NXPE2: variants seen among roughly 807,000 people sequenced by gnomAD.
NXPE2 encodes the protein NXPE family member 2.
A neutral mutation model predicts 34.4 loss-of-function variants in NXPE2; 34 were observed. The observed-to-expected ratio is 0.99, with a 90% CI of 0.75 to 1.31. NXPE2 has a LOEUF of 1.31. Among genes scored for constraint, NXPE2 ranks in the 40% most tolerant of loss-of-function variants. The pLI is 0.00. For missense variants in NXPE2, 649 were observed against 672.5 expected, an observed-to-expected ratio of 0.97 and a Z score of 0.39; for synonymous variants, 235 against 231.3, an observed-to-expected ratio of 1.02 and a Z score of -0.15.
the NXPE2 span, among the ~76,000 whole-genome samples, chr11:114,774,308 C>T: frequency 3.9e-5 from 6 of 152,236 alleles, no homozygotes; most frequent in Non-Finnish European, 5.9e-5. Flanking sequence ...TATTGTTACT[C>T]CAGGTGTACT....
At chr11:114,797,447 C>CTTAAATAAGGGTTAGTAAG in the NXPE2 span, among the ~76,000 whole-genome samples, 7 of 152,124 alleles carry the variant, frequency 4.6e-5, no homozygotes, top group Admixed American at 3.9e-4. Flanking sequence ...CAAGGAGATG[C>CTTAAATAAGGGTTAGTAAG]TTAAATAAGG....
the NXPE2 span, among the ~76,000 whole-genome samples, chr11:114,570,358 G>A: frequency 2.0e-5 from 3 of 152,104 alleles, no homozygotes; most frequent in East Asian, 1.9e-4. Flanking sequence ...CTAGTGGCCC[G>A]TGCTTTTACC....
chr11:114,602,219 G>A, the NXPE2 span, among the ~76,000 whole-genome samples: 31 of 103,184 alleles, frequency 3.0e-4, 1 homozygote, highest in East Asian at 8.0e-3. Context: ...TACAATATAT[G>A]TTATAGATTA....
chr11:114,653,048 A>G, the NXPE2 span, among the ~76,000 whole-genome samples: 1 of 152,220 alleles, frequency 6.6e-6, no homozygotes, highest in Admixed American at 6.5e-5. Flanking sequence ...TCATCATTAT[A>G]TATTCCATTG....
chr11:114,560,455 T>A, the NXPE2 span, among the ~76,000 whole-genome samples: 1 of 151,754 alleles, frequency 6.6e-6, no homozygotes, highest in Non-Finnish European at 1.5e-5. Flanking sequence ...TTTGTAGAGA[T>A]GGGGTCTTAC....
chr11:114,804,174 T>A, the NXPE2 span, among the ~76,000 whole-genome samples: 1 of 152,086 alleles, frequency 6.6e-6, no homozygotes, highest in African/African-American at 2.4e-5. Context: ...CTTTTAACTT[T>A]CCCAAAGGAA....
chr11:114,807,572 A>G, the NXPE2 span, among the ~76,000 whole-genome samples: 1 of 151,626 alleles, frequency 6.6e-6, no homozygotes, highest in Admixed American at 6.6e-5. Context: ...CTTTAAACCA[A>G]CAAAGATCAA....
chr11:114,680,721 G>C (rs1950936184), intron 2 of NXPE2, among the ~76,000 whole-genome samples: 1 of 152,134 alleles, frequency 6.6e-6, no homozygotes, highest in South Asian at 2.1e-4. Flanking sequence ...TGAAATCTCA[G>C]TTTGAGCCTA....
At chr11:114,579,907 G>T in the NXPE2 span, among the ~76,000 whole-genome samples, 12 of 152,252 alleles carry the variant, frequency 7.9e-5, no homozygotes, top group African/African-American at 2.9e-4. Flanking sequence ...TGTGAATTCT[G>T]CAGAGATAGG....
chr11:114,725,377 C>T, the NXPE2 span, among the ~76,000 whole-genome samples: 1 of 152,092 alleles, frequency 6.6e-6, no homozygotes, highest in Non-Finnish European at 1.5e-5. Flanking sequence ...AGCTTCCTTT[C>T]CCTGTGTGGT....
At chr11:114,561,914 G>A in the NXPE2 span, among the ~76,000 whole-genome samples, 8 of 151,926 alleles carry the variant, frequency 5.3e-5, no homozygotes, top group East Asian at 1.5e-3. Context: ...CCAGTTTATT[G>A]TTTTCATTTT....
At chr11:114,626,826 G>A in the NXPE2 span, among the ~76,000 whole-genome samples, 1 of 152,082 alleles carries the variant, frequency 6.6e-6, no homozygotes, top group Non-Finnish European at 1.5e-5. Flanking sequence ...GTGCTTAAAG[G>A]AGCTGGTGGA....
At chr11:114,808,778 A>C in the NXPE2 span, among the ~76,000 whole-genome samples, 1 of 152,086 alleles carries the variant, frequency 6.6e-6, no homozygotes, top group Non-Finnish European at 1.5e-5. Flanking sequence ...AGAGGAGCTG[A>C]TACCATTCCT....
the NXPE2 span, among the ~76,000 whole-genome samples, chr11:114,729,166 G>A: frequency 6.6e-6 from 1 of 152,092 alleles, no homozygotes; most frequent in Non-Finnish European, 1.5e-5. Flanking sequence ...AGAACATGTG[G>A]TATTTGGTTT....
the NXPE2 span, among the ~76,000 whole-genome samples, chr11:114,738,414 T>C: frequency 0.11 from 16,304 of 152,166 alleles, 992 homozygotes; most frequent in Middle Eastern, 0.16. Context: ...TGTCATCAAA[T>C]TGCTCTCCAC....
chr11:114,660,118 A>G, the NXPE2 span, among the ~76,000 whole-genome samples: 12 of 152,094 alleles, frequency 7.9e-5, no homozygotes, highest in Non-Finnish European at 1.8e-4. Context: ...TGAAAATTCT[A>G]TAGCTTTGGG....
At chr11:114,673,916 C>G (rs1466171748), upstream of NXPE2, among the ~76,000 whole-genome samples, 3 of 151,728 alleles carry the variant, frequency 2.0e-5, no homozygotes, top group Non-Finnish European at 4.4e-5. Flanking sequence ...CAAACTAGCC[C>G]AAAACCAGAA....
chr11:114,780,917 G>A, the NXPE2 span, among the ~76,000 whole-genome samples: 2 of 152,178 alleles, frequency 1.3e-5, no homozygotes, highest in Admixed American at 6.5e-5. Context: ...GTGGCGTTGG[G>A]GGAGGAGAGT....
chr11:114,795,687 G>C, the NXPE2 span, among the ~76,000 whole-genome samples: 2 of 152,286 alleles, frequency 1.3e-5, no homozygotes, highest in South Asian at 4.1e-4. Flanking sequence ...CTCTTTTCCA[G>C]TTAGGATGGT....
Sources: allele counts gnomAD v4.1 joint callset (sites outside exome capture counted in the v4.1 genomes callset), GRCh38; gene constraint gnomAD v4.1.1; transcripts MANE v1.5; gene names NCBI Gene and HGNC (gene_info 2026-07-23, HGNC 2026-07-21).